GPC5: variants seen among roughly 807,000 people sequenced by gnomAD.
GPC5 encodes the protein glypican-5.
In GPC5, 47 loss-of-function variants were observed where a neutral mutation model predicts 53.9. The observed-to-expected ratio is 0.87, with a 90% CI of 0.69 to 1.11. GPC5 has a LOEUF of 1.11. GPC5 is among the 50% of genes most tolerant of loss of function. GPC5 has a pLI of 0.00. For synonymous variants in GPC5, 286 were observed against 263.3 expected, an observed-to-expected ratio of 1.09 and a Z score of -0.84; for missense variants, 748 against 713.1, an observed-to-expected ratio of 1.05 and a Z score of -0.56.
chr13:92,181,773 GA>G (rs2042148753), intron 7 of GPC5, among the ~76,000 whole-genome samples: 1 of 152,190 alleles, frequency 6.6e-6, no homozygotes, highest in Non-Finnish European at 1.5e-5. Context: ...ATCATGCAAT[GA>G]AAATGCAGAA....
intron 7 of GPC5, among the ~76,000 whole-genome samples, chr13:92,285,113 C>A (rs12020615): frequency 0.086 from 12,999 of 151,956 alleles, 614 homozygotes; most frequent in Middle Eastern, 0.12. Context: ...CAAACAGAGC[C>A]AAATCATGAG....
At chr13:92,820,088 C>T (rs938638577) in intron 7 of GPC5, among the ~76,000 whole-genome samples, 1 of 152,056 alleles carries the variant, frequency 6.6e-6, no homozygotes, top group Non-Finnish European at 1.5e-5. Context: ...TCAATATCCC[C>T]ACCCAACCCA....
At chr13:92,775,917 C>T (rs977176690) in intron 7 of GPC5, among the ~76,000 whole-genome samples, 1 of 152,172 alleles carries the variant, frequency 6.6e-6, no homozygotes, top group African/African-American at 2.4e-5. Context: ...CTTTTAAGCA[C>T]CTACTCTGTG....
chr13:92,036,241 C>A (rs374785207), intron 6 of GPC5, among the ~76,000 whole-genome samples: 10 of 152,254 alleles, frequency 6.6e-5, no homozygotes, highest in African/African-American at 2.4e-4. Context: ...AATGGTTTTA[C>A]AGCATTGCTA....
intron 2 of GPC5, among the ~76,000 whole-genome samples, chr13:91,502,125 A>G (rs556510622): frequency 5.3e-5 from 8 of 151,954 alleles, no homozygotes; most frequent in East Asian, 3.9e-4. Context: ...GTTTGAGTTC[A>G]TTGTAGATTC....
chr13:91,719,481 T>C (rs1180575891), intron 3 of GPC5, among the ~76,000 whole-genome samples: 2 of 152,248 alleles, frequency 1.3e-5, no homozygotes, highest in Admixed American at 1.3e-4. Context: ...CACCAATACC[T>C]GCACTATCTC....
chr13:92,109,615 A>G (rs886833755), intron 6 of GPC5, among the ~76,000 whole-genome samples: 1 of 152,184 alleles, frequency 6.6e-6, no homozygotes, highest in African/African-American at 2.4e-5. Context: ...GAGACACTAA[A>G]ACAATGACAG....
At chr13:92,240,563 G>A (rs1011186814) in intron 7 of GPC5, 3 of 152,296 alleles carry the variant, frequency 2.0e-5, no homozygotes, top group Non-Finnish European at 4.4e-5. Context: ...GAGTGCAGTG[G>A]TGCGATCTCG....
At chr13:92,613,901 C>CA (rs1232643801) in intron 7 of GPC5, among the ~76,000 whole-genome samples, 1 of 151,076 alleles carries the variant, frequency 6.6e-6, no homozygotes, top group Non-Finnish European at 1.5e-5. Context: ...AACAAAAAAC[C>CA]AAAAAGTGAA....
intron 2 of GPC5, among the ~76,000 whole-genome samples, chr13:91,495,558 T>A (rs188158388): frequency 1.7e-3 from 259 of 152,364 alleles, no homozygotes; most frequent in Middle Eastern, 3.4e-3. Context: ...CAAGCACTAA[T>A]GCAGGCTGCA....
chr13:92,348,554 T>C (rs564676275), intron 7 of GPC5, among the ~76,000 whole-genome samples: 14 of 152,162 alleles, frequency 9.2e-5, no homozygotes, highest in Non-Finnish European at 1.3e-4. Flanking sequence ...AACATCGACA[T>C]GAACAACATA....
At chr13:92,197,841 A>G (rs1029552968) in intron 7 of GPC5, among the ~76,000 whole-genome samples, 4 of 151,938 alleles carry the variant, frequency 2.6e-5, no homozygotes, top group African/African-American at 4.8e-5. Flanking sequence ...GATAAAATCC[A>G]GATGTCTTAC....
At chr13:92,765,348 T>C (rs1226017317) in intron 7 of GPC5, among the ~76,000 whole-genome samples, 1 of 152,238 alleles carries the variant, frequency 6.6e-6, no homozygotes, top group Non-Finnish European at 1.5e-5. Context: ...GTTTTTACCC[T>C]TGAGGCATCA....
At chr13:92,131,873 A>G (rs2138962991) in intron 6 of GPC5, among the ~76,000 whole-genome samples, 2 of 152,180 alleles carry the variant, frequency 1.3e-5, no homozygotes, top group East Asian at 3.9e-4. Context: ...AAATAAGTAG[A>G]TTAATAAAGC....
chr13:92,151,337 A>G (rs2041906074), intron 7 of GPC5, among the ~76,000 whole-genome samples: 1 of 152,134 alleles, frequency 6.6e-6, no homozygotes, highest in Non-Finnish European at 1.5e-5. Context: ...TTACCCGCCT[A>G]CAGATGATGT....
chr13:91,936,748 G>GATAA (rs1037435041), intron 6 of GPC5, among the ~76,000 whole-genome samples: 3 of 151,838 alleles, frequency 2.0e-5, no homozygotes, highest in Non-Finnish European at 4.4e-5. Flanking sequence ...AAAATAGATA[G>GATAA]AAAGGAACAA....
intron 7 of GPC5, among the ~76,000 whole-genome samples, chr13:92,789,062 A>G (rs1347484631): frequency 6.6e-6 from 1 of 152,154 alleles, no homozygotes; most frequent in Non-Finnish European, 1.5e-5. Context: ...TATTTGCTCA[A>G]TATTTCAATA....
intron 2 of GPC5, among the ~76,000 whole-genome samples, chr13:91,495,011 G>A (rs542101596): frequency 2.4e-4 from 36 of 152,198 alleles, no homozygotes; most frequent in Admixed American, 5.9e-4. Flanking sequence ...GCTTGACATC[G>A]CTATTTGAAT....
chr13:92,026,587 A>C (rs1310599653), intron 6 of GPC5, among the ~76,000 whole-genome samples: 1 of 151,994 alleles, frequency 6.6e-6, no homozygotes, highest in African/African-American at 2.4e-5. Flanking sequence ...ATAAAAAATT[A>C]TCCTATTTTA....
Sources: allele counts gnomAD v4.1 joint callset (sites outside exome capture counted in the v4.1 genomes callset), GRCh38; gene constraint gnomAD v4.1.1; transcripts MANE v1.5; gene names NCBI Gene and HGNC (gene_info 2026-07-23, HGNC 2026-07-21).